YEATS4: variants seen among roughly 807,000 people sequenced by gnomAD.
The protein encoded by YEATS4 is YEATS domain-containing protein 4.
In YEATS4, 17 loss-of-function variants were observed where a neutral mutation model predicts 30.1. The observed-to-expected ratio is 0.56, with a 90% CI of 0.39 to 0.85. The LOEUF is 0.85. YEATS4 is among the 40% of genes least tolerant of loss of function. The probability of loss-of-function intolerance (pLI) is 0.00; values close to 1 mark genes in which losing one functional copy is unlikely to be tolerated. For missense variants in YEATS4, 142 were observed against 268.3 expected, an observed-to-expected ratio of 0.53 and a Z score of 3.29; for synonymous variants, 85 against 87.5, an observed-to-expected ratio of 0.97 and a Z score of 0.16.
At chr12:69,423,966 C>T in the YEATS4 span, among the ~76,000 whole-genome samples, 1 of 152,148 alleles carries the variant, frequency 6.6e-6, no homozygotes, top group East Asian at 1.9e-4. Flanking sequence ...GAGAAGAAAG[C>T]ATTTTATTGT....
At chr12:69,413,831 A>G in the YEATS4 span, among the ~76,000 whole-genome samples, 1 of 150,550 alleles carries the variant, frequency 6.6e-6, no homozygotes, top group Non-Finnish European at 1.5e-5. Context: ...AAGCCTGGAA[A>G]ACAGAGCAAG....
At chr12:69,407,196 G>A in the YEATS4 span, among the ~76,000 whole-genome samples, 2 of 149,534 alleles carry the variant, frequency 1.3e-5, no homozygotes, top group East Asian at 2.0e-4. Context: ...GGCTCAAGAC[G>A]TTCACAACTA....
the YEATS4 span, among the ~76,000 whole-genome samples, chr12:69,400,296 A>G: frequency 6.6e-6 from 1 of 152,176 alleles, no homozygotes; most frequent in East Asian, 1.9e-4. Context: ...TGAGACACAC[A>G]AAGCCCTAAC....
At chr12:69,387,198 T>A (rs995167290) in intron 6 of YEATS4, among the ~76,000 whole-genome samples, 2 of 152,164 alleles carry the variant, frequency 1.3e-5, no homozygotes, top group African/African-American at 4.8e-5. Context: ...ACAGATCATT[T>A]GTAGAAAGGG....
the YEATS4 span, among the ~76,000 whole-genome samples, chr12:69,395,882 A>G: frequency 1.1e-4 from 17 of 152,322 alleles, no homozygotes; most frequent in African/African-American, 3.8e-4. Flanking sequence ...GTCCTAATGT[A>G]AAAATAGGCA....
chr12:69,416,164 C>T, the YEATS4 span, among the ~76,000 whole-genome samples: 2 of 152,078 alleles, frequency 1.3e-5, no homozygotes, highest in Non-Finnish European at 1.5e-5. Context: ...CTGTGTGTGC[C>T]GCTGCCACCA....
intron 6 of YEATS4, among the ~76,000 whole-genome samples, chr12:69,387,995 C>G (rs1868271036): frequency 6.6e-6 from 1 of 151,764 alleles, no homozygotes; most frequent in Admixed American, 6.6e-5. Flanking sequence ...AAGCAAGTCA[C>G]CAGCAATGAG....
intron 6 of YEATS4, among the ~76,000 whole-genome samples, chr12:69,375,374 C>T (rs1329986737): frequency 2.0e-5 from 3 of 151,570 alleles, no homozygotes; most frequent in Admixed American, 6.6e-5. Flanking sequence ...TCCTCACTTC[C>T]TAGACGGGAT....
chr12:69,423,482 A>C, the YEATS4 span, among the ~76,000 whole-genome samples: 1 of 152,222 alleles, frequency 6.6e-6, no homozygotes, highest in African/African-American at 2.4e-5. Context: ...CTAAGAAAAC[A>C]ATGTGGAAAG....
At chr12:69,371,214 C>A (rs1320440592) in intron 6 of YEATS4, among the ~76,000 whole-genome samples, 3 of 152,154 alleles carry the variant, frequency 2.0e-5, no homozygotes, top group Non-Finnish European at 4.4e-5. Context: ...TACTGTTTGT[C>A]TGTTTTATTC....
downstream of YEATS4, among the ~76,000 whole-genome samples, chr12:69,392,881 T>C (rs1276079918): frequency 2.0e-5 from 3 of 152,222 alleles, no homozygotes; most frequent in Non-Finnish European, 1.5e-5. Flanking sequence ...TCAAACCTCC[T>C]TCCTTTAACT....
At chr12:69,405,191 A>G in the YEATS4 span, among the ~76,000 whole-genome samples, 6 of 152,190 alleles carry the variant, frequency 3.9e-5, no homozygotes, top group Non-Finnish European at 5.9e-5. Flanking sequence ...TCCCACCCTT[A>G]TCTGTGGGGG....
Position 69,359,866 on chromosome 12 carries a change from C to T in YEATS4, c.-107C>T, listed in dbSNP as rs1475572716. On this transcript the variant is annotated 5_prime_UTR_variant, in exon 1 of 7. Transcript: ENST00000247843. ...TAACTCGCCCTCCTTCGGCTAGAAA[C>T]CCTCCGCCTGGGCCCGCGCGACAGG... The T allele has an allele frequency of 2.1e-6, 3 of 1,414,084 alleles. No homozygotes were observed. Among genetic ancestry groups the T allele is most frequent in the Non-Finnish European group, 2.9e-6 (3 of 1,028,880 alleles). 87.6% of individuals were successfully genotyped at this position (1,414,084 alleles called of 1,614,324 possible).
At chr12:69,392,529 A>C (rs1052155725), downstream of YEATS4, among the ~76,000 whole-genome samples, 1 of 152,260 alleles carries the variant, frequency 6.6e-6, no homozygotes, top group Non-Finnish European at 1.5e-5. Flanking sequence ...TCCATATGAT[A>C]GATTTTCCCA....
At chr12:69,371,990 C>T (rs988160687) in intron 6 of YEATS4, among the ~76,000 whole-genome samples, 4 of 152,082 alleles carry the variant, frequency 2.6e-5, no homozygotes, top group Admixed American at 2.6e-4. Context: ...AAGTACATGG[C>T]TGAAAAACAG....
chr12:69,374,573 G>A (rs1376474227), intron 6 of YEATS4, among the ~76,000 whole-genome samples: 1 of 152,076 alleles, frequency 6.6e-6, no homozygotes, highest in Non-Finnish European at 1.5e-5. Context: ...CGCAGTGTTT[G>A]TGTCCCTGGG....
intron 6 of YEATS4, among the ~76,000 whole-genome samples, chr12:69,373,002 G>GTA (rs1171570294): frequency 6.6e-6 from 1 of 152,164 alleles, no homozygotes; most frequent in Non-Finnish European, 1.5e-5. Flanking sequence ...ACTCTCTTGT[G>GTA]TATATGTACC....
the YEATS4 span, among the ~76,000 whole-genome samples, chr12:69,403,940 T>C: frequency 6.6e-6 from 1 of 152,182 alleles, no homozygotes; most frequent in South Asian, 2.1e-4. Flanking sequence ...TTTTTTTGTT[T>C]CTTTTTTTTC....
the YEATS4 span, among the ~76,000 whole-genome samples, chr12:69,415,490 G>A: frequency 7.9e-5 from 12 of 152,316 alleles, no homozygotes; most frequent in African/African-American, 2.9e-4. Flanking sequence ...GAACCCAGGA[G>A]GCAGAGGCTG....
Sources: allele counts gnomAD v4.1 joint callset (sites outside exome capture counted in the v4.1 genomes callset), GRCh38; gene constraint gnomAD v4.1.1; transcripts MANE v1.5; gene names NCBI Gene and HGNC (gene_info 2026-07-23, HGNC 2026-07-21).